Variants in TRIM24 observed in about 807,000 individuals in gnomAD.
TRIM24 encodes the protein transcription intermediary factor 1-alpha.
TRIM24 carries 29 observed loss-of-function variants against 123.9 expected under a neutral mutation model. The observed-to-expected ratio is 0.23, with a 90% confidence interval of 0.17 to 0.32. The LOEUF (loss-of-function observed/expected upper bound fraction) is 0.32. Among genes scored for constraint, TRIM24 ranks in the 10% least tolerant of loss-of-function variants. The pLI is 1.00. For missense variants in TRIM24, 932 were observed against 1,295.3 expected (o/e 0.72, Z 4.31); for synonymous variants, 456 against 461.1 (o/e 0.99, Z 0.14).
intron 14 of TRIM24, 131 bp downstream of exon 14, chr7:138,577,719 T>C (rs941112752): frequency 1.3e-6 from 1 of 764,698 alleles, no homozygotes; most frequent in African/African-American, 1.8e-5. Context: ...AGGGAATCTC[T>C]CAGTAAATTA....
intron 1 of TRIM24, among the ~76,000 whole-genome samples, chr7:138,498,895 A>G (rs1211104382): frequency 6.6e-6 from 1 of 151,912 alleles, no homozygotes; most frequent in East Asian, 1.9e-4. Context: ...TGGCCTCCCA[A>G]AGTGTTGGGA....
chr7:138,562,496 C>T (rs929615370), intron 9 of TRIM24, among the ~76,000 whole-genome samples: 1 of 152,156 alleles, frequency 6.6e-6, no homozygotes, highest in Admixed American at 6.5e-5. Flanking sequence ...GGCTTCTGTA[C>T]TGGCAGGAGT....
rs116107661 is a variant in TRIM24 at position 138,465,455 on chromosome 7, A to G, written c.364+4543A>G. Among the ~76,000 whole-genome samples the G allele has an allele frequency of 2.4e-3, 360 of 152,334 alleles. 5 individuals carry two copies. Among genetic ancestry groups the G allele is most frequent in the African/African-American group, 8.2e-3 (341 of 41,588 alleles). ...ATGAGTAGCAAACTGGGAGTTTGAGAGCAGTTTTTTCCTCTCTACCTAAAA... is the reference window on the plus strand; with the variant it reads ...ATGAGTAGCAAACTGGGAGTTTGAGGGCAGTTTTTTCCTCTCTACCTAAAA... On this transcript the variant is annotated intron_variant, in intron 1 of 18. Transcript: ENST00000343526.
intron 1 of TRIM24, among the ~76,000 whole-genome samples, chr7:138,495,149 G>A (rs1441021945): frequency 6.6e-6 from 1 of 152,188 alleles, no homozygotes; most frequent in African/African-American, 2.4e-5. Context: ...TATTTATAGG[G>A]AAGGTGAAGT....
chr7:138,574,659 T>G (rs1279820626), intron 12 of TRIM24, among the ~76,000 whole-genome samples: 2 of 152,086 alleles, frequency 1.3e-5, no homozygotes, highest in East Asian at 3.9e-4. Context: ...ATAATAAAAA[T>G]AGTCATTGAG....
intron 6 of TRIM24, among the ~76,000 whole-genome samples, chr7:138,538,035 C>T (rs1338812002): frequency 6.6e-6 from 1 of 152,190 alleles, no homozygotes; most frequent in Admixed American, 6.5e-5. Flanking sequence ...TACATACCTC[C>T]TTTAGAGAAA....
At chr7:138,528,729 A>C in intron 5 of TRIM24, among the ~76,000 whole-genome samples, 1 of 151,356 alleles carries the variant, frequency 6.6e-6, no homozygotes, top group South Asian at 2.1e-4. Flanking sequence ...CAATTAATAT[A>C]GTAGAACATG....
At chr7:138,463,134 C>T (rs2116437912) in intron 1 of TRIM24, among the ~76,000 whole-genome samples, 2 of 149,820 alleles carry the variant, frequency 1.3e-5, no homozygotes, top group South Asian at 4.2e-4. Flanking sequence ...AGGTGATCCG[C>T]CCACCTTGGC....
chr7:138,574,947 T>C (rs935197615), intron 12 of TRIM24, among the ~76,000 whole-genome samples: 28 of 152,318 alleles, frequency 1.8e-4, no homozygotes, highest in African/African-American at 6.7e-4. Flanking sequence ...TTTATATTAC[T>C]ATTAAGGCAT....
intron 1 of TRIM24, among the ~76,000 whole-genome samples, chr7:138,470,774 T>C (rs992265453): frequency 2.0e-5 from 3 of 152,236 alleles, no homozygotes; most frequent in Non-Finnish European, 4.4e-5. Flanking sequence ...GACCTGAATA[T>C]GCAATTAGCT....
intron 9 of TRIM24, among the ~76,000 whole-genome samples, chr7:138,566,377 G>A (rs1797536417): frequency 6.6e-6 from 1 of 152,108 alleles, no homozygotes; most frequent in African/African-American, 2.4e-5. Flanking sequence ...TTAGCCAGGT[G>A]TGGTGGGGCA....
chr7:138,580,172 G>A (rs950239188), intron 15 of TRIM24, among the ~76,000 whole-genome samples: 2 of 152,074 alleles, frequency 1.3e-5, no homozygotes, highest in Admixed American at 6.5e-5. Flanking sequence ...CCATACTTTT[G>A]AAAATTTAAT....
chr7:138,560,037 G>T (rs186157903), intron 9 of TRIM24, among the ~76,000 whole-genome samples: 1 of 152,162 alleles, frequency 6.6e-6, no homozygotes, highest in Non-Finnish European at 1.5e-5. Context: ...TATGATTGGG[G>T]ATGGCCAACC....
chr7:138,460,767 C>T lies in TRIM24; in HGVS notation c.219C>T (p.Cys73=), dbSNP rs907362506. 3 of 1,583,668 alleles carry T rather than the reference C, an allele frequency of 1.9e-6. No individual in the cohort carries two copies. The highest frequency in any genetic ancestry group is 1.7e-4 in the Middle Eastern group (1 of 5,798). The change falls in exon 1 of 19, where the codon TGC becomes TGT. Residue 73 remains cysteine, a synonymous_variant. Coordinates refer to ENST00000343526, the MANE Select transcript of TRIM24 (RefSeq NM_015905.3). ...IQSRAPKLLP[C]LHSFCQRCLP... The stretch of plus-strand genomic sequence containing the variant: ...GCCGGGCGCCCAAGCTGCTGCCCTG[C>T]CTGCACTCTTTCTGCCAGCGCTGCC...
chr7:138,508,724 T>TGTGC (rs1563039036), intron 2 of TRIM24, among the ~76,000 whole-genome samples: 3 of 148,722 alleles, frequency 2.0e-5, no homozygotes, highest in Non-Finnish European at 4.5e-5. Flanking sequence ...TGTGTGCGTG[T>TGTGC]GTGTGTGTGT....
intron 10 of TRIM24, among the ~76,000 whole-genome samples, chr7:138,568,939 CT>C (rs1457827514): frequency 6.6e-6 from 1 of 152,092 alleles, no homozygotes; most frequent in Non-Finnish European, 1.5e-5. Flanking sequence ...CTATACATAT[CT>C]TCGTATAATC....
intron 2 of TRIM24, among the ~76,000 whole-genome samples, chr7:138,512,349 C>G (rs936597014): frequency 8.5e-5 from 13 of 152,166 alleles, no homozygotes; most frequent in Non-Finnish European, 1.5e-4. Context: ...CTTGGGAGGG[C>G]CCCAGTGGTG....
At chr7:138,502,737 C>CTTTCCAGATTTTAAGTATTAATTCT (rs1263456490) in intron 1 of TRIM24, among the ~76,000 whole-genome samples, 1 of 152,156 alleles carries the variant, frequency 6.6e-6, no homozygotes, top group African/African-American at 2.4e-5. Flanking sequence ...ATTGTGACAT[C>CTTTCCAGATTTTAAGTATTAATTCT]TTTCCAGATT....
chr7:138,525,227 G>T lies in TRIM24; in HGVS notation c.765-14G>T. 4 of 1,223,128 alleles carry T rather than the reference G, an allele frequency of 3.3e-6. No homozygotes were observed. Among genetic ancestry groups the T allele is most frequent in the South Asian group, 1.7e-5 (1 of 59,010 alleles). The allele number at this position is 1,223,128 out of a possible 1,614,324, so 75.8% of individuals were successfully genotyped here. A position where few individuals can be genotyped will look rare whatever the true frequency, so the allele number is the denominator to read the frequency against. On this transcript the variant is annotated splice_polypyrimidine_tract_variant and intron_variant, in intron 4 of 18. Transcript: ENST00000343526. ...TGTATATTTTTATATGAAATAATTT[G>T]CTTATTTCTTCAGATACCAATTTAT...
Sources: gnomAD v4.1 joint callset for allele counts (sites outside exome capture counted in the v4.1 genomes callset) on GRCh38, gnomAD v4.1.1 for gene constraint, MANE v1.5 for transcripts, NCBI Gene and HGNC (gene_info 2026-07-23, HGNC 2026-07-21) for gene names.